The following CNTLN variants were observed in gnomAD, a reference collection of about 807,000 sequenced individuals.
CNTLN encodes centlein.
In CNTLN, 212 loss-of-function variants were observed where a neutral mutation model predicts 180.0. The observed-to-expected ratio is 1.18, with a 90% CI of 1.05 to 1.32. The LOEUF is 1.32. Among genes scored for constraint, CNTLN ranks in the 40% most tolerant of loss-of-function variants. The pLI, the probability that CNTLN is intolerant of heterozygous loss-of-function variation, is 0.00. For missense variants in CNTLN, 2,095 were observed against 1,610.9 expected (o/e 1.30, Z -5.14); for synonymous variants, 722 against 563.1 (o/e 1.28, Z -3.99).
At chr9:17,298,932 A>T (rs1375451146) in intron 7 of CNTLN, 1 of 985,240 alleles carries the variant, frequency 1.0e-6, no homozygotes, top group Non-Finnish European at 1.2e-6. Flanking sequence ...GCAATAATTT[A>T]ATCTACTAAT....
intron 12 of CNTLN, among the ~76,000 whole-genome samples, chr9:17,353,144 C>T (rs922858229): frequency 6.6e-6 from 1 of 151,996 alleles, no homozygotes; most frequent in Non-Finnish European, 1.5e-5. Flanking sequence ...TTTGTAGGGT[C>T]GGGGTCTCAC....
intron 15 of CNTLN, among the ~76,000 whole-genome samples, chr9:17,395,984 G>A (rs1418510114): frequency 6.6e-6 from 1 of 152,184 alleles, no homozygotes; most frequent in African/African-American, 2.4e-5. Context: ...ACAGGTTACG[G>A]TAGAGGAGCC....
intron 12 of CNTLN, among the ~76,000 whole-genome samples, chr9:17,347,255 CTTGTACT>C: frequency 6.6e-6 from 1 of 152,186 alleles, no homozygotes; most frequent in South Asian, 2.1e-4. Flanking sequence ...ATAGATTTTC[CTTGTACT>C]TTGTATGATG....
At chr9:17,147,717 TATA>T (rs1818552406) in intron 2 of CNTLN, among the ~76,000 whole-genome samples, 1 of 152,182 alleles carries the variant, frequency 6.6e-6, no homozygotes, top group South Asian at 2.1e-4. Flanking sequence ...CAGAAAGAAG[TATA>T]ATATCATTTT....
intron 13 of CNTLN, 94 bp downstream of exon 13, chr9:17,366,811 T>C (rs1480605532): frequency 1.4e-6 from 1 of 696,768 alleles, no homozygotes; most frequent in Non-Finnish European, 2.4e-6. Flanking sequence ...AATCTTACCC[T>C]TTTTGTTTCT....
At chr9:17,466,944 A>G in intron 23 of CNTLN, 53 bp downstream of exon 23, 2 of 1,290,120 alleles carry the variant, frequency 1.6e-6, no homozygotes, top group Non-Finnish European at 2.2e-6. Context: ...GCAGATAGGC[A>G]GTAGCCTACT....
At chr9:17,432,460 T>G (rs1829472068) in intron 18 of CNTLN, among the ~76,000 whole-genome samples, 1 of 152,074 alleles carries the variant, frequency 6.6e-6, no homozygotes. Context: ...ATAGAATAAT[T>G]TATTCAGAAA....
At chr9:17,334,753 C>T (rs1364571279) in intron 10 of CNTLN, among the ~76,000 whole-genome samples, 1 of 151,920 alleles carries the variant, frequency 6.6e-6, no homozygotes, top group Non-Finnish European at 1.5e-5. Context: ...ACAGTAGACA[C>T]TAAAGAACTG....
intron 25 of CNTLN, among the ~76,000 whole-genome samples, chr9:17,487,625 C>T (rs2499054): frequency 0.012 from 1,855 of 152,092 alleles, 35 homozygotes; most frequent in African/African-American, 0.042. Flanking sequence ...AAATTTCCAC[C>T]AGAGGCCCCT....
intron 25 of CNTLN, among the ~76,000 whole-genome samples, chr9:17,491,147 C>G (rs1833141120): frequency 1.3e-5 from 2 of 152,014 alleles, no homozygotes; most frequent in South Asian, 4.1e-4. Flanking sequence ...ATACCCAAAA[C>G]AGTCCTTTGC....
intron 25 of CNTLN, among the ~76,000 whole-genome samples, chr9:17,499,922 C>T (rs527440993): frequency 6.6e-6 from 1 of 152,002 alleles, no homozygotes; most frequent in South Asian, 2.1e-4. Flanking sequence ...TCAATTGGTT[C>T]ATAGAAAGGG....
intron 15 of CNTLN, among the ~76,000 whole-genome samples, chr9:17,408,128 C>CAAAAAAAAAAA (rs34374959): frequency 1.7e-5 from 1 of 59,074 alleles, no homozygotes. Flanking sequence ...GACTCTGTCT[C>CAAAAAAAAAAA]AAAAAAAAAA....
chr9:17,429,547 T>A (rs990423873), intron 18 of CNTLN, among the ~76,000 whole-genome samples: 3 of 152,090 alleles, frequency 2.0e-5, no homozygotes, highest in Non-Finnish European at 2.9e-5. Flanking sequence ...ATTTTTATGA[T>A]GCTTTAAATT....
intron 8 of CNTLN, among the ~76,000 whole-genome samples, chr9:17,320,394 C>CT (rs5896734): frequency 0.83 from 126,250 of 151,206 alleles, 52,861 homozygotes; most frequent in Non-Finnish European, 0.87. Context: ...TTCCATCTTT[C>CT]TTTTTTTTTC....
chr9:17,191,464 G>C (rs868807827), intron 2 of CNTLN, among the ~76,000 whole-genome samples: 3 of 152,194 alleles, frequency 2.0e-5, no homozygotes. Context: ...TGGGAAACTT[G>C]ACACACATTC....
At chr9:17,350,610 A>G (rs1388196671) in intron 12 of CNTLN, among the ~76,000 whole-genome samples, 2 of 152,172 alleles carry the variant, frequency 1.3e-5, no homozygotes, top group Non-Finnish European at 1.5e-5. Flanking sequence ...CTTAACAGAC[A>G]TGCATTTCTG....
intron 2 of CNTLN, among the ~76,000 whole-genome samples, chr9:17,154,250 AT>A (rs1184987942): frequency 6.6e-6 from 1 of 151,906 alleles, no homozygotes; most frequent in Non-Finnish European, 1.5e-5. Context: ...GGTTTTTAGA[AT>A]TTTCAGCCTT....
At chr9:17,489,770 G>A (rs1193694229) in intron 25 of CNTLN, among the ~76,000 whole-genome samples, 1 of 151,962 alleles carries the variant, frequency 6.6e-6, no homozygotes, top group African/African-American at 2.4e-5. Context: ...TCAGATATAT[G>A]CCATTATTTC....
At position 17,503,131 on chromosome 9, in the gene CNTLN, A is replaced by G. The variant is rs1251056665; in HGVS notation, c.*479A>G. The G allele has an allele frequency of 6.6e-6, 1 of 152,376 alleles. No homozygotes were observed. Among genetic ancestry groups the G allele is most frequent in the East Asian group, 1.9e-4 (1 of 5,208 alleles). The allele number at this position is 152,376 out of a possible 1,614,324, so 9.4% of individuals were successfully genotyped here. A position where few individuals can be genotyped will look rare whatever the true frequency, so the allele number is the denominator to read the frequency against. On this transcript the variant is annotated 3_prime_UTR_variant, in exon 26 of 26. Transcript: ENST00000380647. ...ATGAAGCATCATAACTTGAGCATTTATTGAAATAAATTGTGTGGTCCAATT... is the reference window on the plus strand; with the variant it reads ...ATGAAGCATCATAACTTGAGCATTTGTTGAAATAAATTGTGTGGTCCAATT...
Sources: gnomAD v4.1 joint callset for allele counts (sites outside exome capture counted in the v4.1 genomes callset) on GRCh38, gnomAD v4.1.1 for gene constraint, MANE v1.5 for transcripts, NCBI Gene and HGNC (gene_info 2026-07-23, HGNC 2026-07-21) for gene names.